C1orf21: variants seen among roughly 807,000 people sequenced by gnomAD.
C1orf21 encodes uncharacterized protein C1orf21.
In C1orf21, 3 loss-of-function variants were observed where a neutral mutation model predicts 18.7. That is an observed-to-expected ratio of 0.16 (90% CI 0.07 to 0.42). The LOEUF (loss-of-function observed/expected upper bound fraction) is 0.42, where lower values mean the gene tolerates loss of function less well. Among genes scored for constraint, C1orf21 ranks in the 10% least tolerant of loss-of-function variants. The pLI is 0.99. For missense variants in C1orf21, 104 were observed against 143.6 expected, an observed-to-expected ratio of 0.72 and a Z score of 1.41; for synonymous variants, 41 against 46.4, an observed-to-expected ratio of 0.88 and a Z score of 0.47.
At chr1:184,433,183 G>T (rs1656794534) in intron 1 of C1orf21, among the ~76,000 whole-genome samples, 1 of 152,180 alleles carries the variant, frequency 6.6e-6, no homozygotes, top group Admixed American at 6.5e-5. Context: ...ATGTGGTGGG[G>T]TGTGTGTGCA....
At chr1:184,541,365 T>C (rs948774601) in intron 3 of C1orf21, among the ~76,000 whole-genome samples, 7 of 152,212 alleles carry the variant, frequency 4.6e-5, no homozygotes, top group Non-Finnish European at 1.0e-4. Flanking sequence ...TTGAGCACCA[T>C]CCTCAATGAT....
intron 2 of C1orf21, among the ~76,000 whole-genome samples, chr1:184,484,611 G>T (rs1261431463): frequency 6.6e-6 from 1 of 152,186 alleles, no homozygotes; most frequent in Non-Finnish European, 1.5e-5. Flanking sequence ...ATCAGGTTGG[G>T]CACTGACTGA....
chr1:184,555,876 G>A (rs959133160), intron 3 of C1orf21, among the ~76,000 whole-genome samples: 6 of 152,132 alleles, frequency 3.9e-5, no homozygotes, highest in African/African-American at 1.2e-4. Flanking sequence ...GCGAGGATCC[G>A]CCCACTGGCC....
intron 3 of C1orf21, among the ~76,000 whole-genome samples, chr1:184,534,293 G>A (rs1658514665): frequency 6.6e-6 from 1 of 152,172 alleles, no homozygotes; most frequent in South Asian, 2.1e-4. Context: ...GCTCAGAGGG[G>A]TGTTTCTTGC....
chr1:184,525,087 A>G (rs1317917955), intron 3 of C1orf21, among the ~76,000 whole-genome samples: 5 of 151,918 alleles, frequency 3.3e-5, no homozygotes, highest in African/African-American at 1.2e-4. Context: ...GATATTTTGC[A>G]TTGTTTAGGC....
At chr1:184,561,095 G>A (rs1466154325) in intron 3 of C1orf21, among the ~76,000 whole-genome samples, 1 of 152,156 alleles carries the variant, frequency 6.6e-6, no homozygotes, top group Non-Finnish European at 1.5e-5. Context: ...TCCAGTTTTA[G>A]CAAGATCATC....
At position 184,393,028 on chromosome 1, in the gene C1orf21, C is replaced by T. The variant is rs376213460; in HGVS notation, c.-125+5660C>T. Among the ~76,000 whole-genome samples the T allele has an allele frequency of 1.3e-4, 20 of 151,922 alleles. No homozygotes were observed. In the East Asian group the frequency reaches 2.9e-3, roughly 22 times the overall value. The stretch of plus-strand genomic sequence containing the variant: ...TTTTTTTCTAGAGATGAGGTCTTGC[C>T]ATGTCGCCCAGGCTGGTCTGGAACT... On this transcript the variant is annotated intron_variant, in intron 1 of 5. Transcript: ENST00000235307.
Position 184,595,502 on chromosome 1 carries a change from G to A in C1orf21, c.267-2899G>A, listed in dbSNP as rs141718690. 7.6e-3 allele frequency among the ~76,000 whole-genome samples: 1,152 copies of A among 152,214 alleles called. 6 individuals are homozygous for A. The highest frequency in any genetic ancestry group is 0.02 in the Middle Eastern group (6 of 294). ...AAGTTTCTTTCACATGGGAAGAGGG[G>A]ACCCATGTTTATCTAGACAGGAATC... On this transcript the variant is annotated intron_variant, in intron 4 of 5. Coordinates refer to ENST00000235307, the MANE Select transcript of C1orf21 (RefSeq NM_030806.4).
chr1:184,395,135 C>T (rs529648557), intron 1 of C1orf21, among the ~76,000 whole-genome samples: 3 of 152,276 alleles, frequency 2.0e-5, no homozygotes, highest in African/African-American at 7.2e-5. Flanking sequence ...CCATGAACTG[C>T]TGTAATACTT....
At chr1:184,416,740 G>A (rs975624307) in intron 1 of C1orf21, among the ~76,000 whole-genome samples, 14 of 152,136 alleles carry the variant, frequency 9.2e-5, no homozygotes, top group African/African-American at 3.4e-4. Flanking sequence ...TATCTTCAAA[G>A]AATGATAATC....
chr1:184,606,441 A>G (rs958758647), intron 5 of C1orf21, among the ~76,000 whole-genome samples: 5 of 152,142 alleles, frequency 3.3e-5, no homozygotes, highest in African/African-American at 9.7e-5. Context: ...TTAGCCAGGT[A>G]TGGTGGCATT....
Position 184,627,555 on chromosome 1 carries a change from C to T in C1orf21, c.*7999C>T, listed in dbSNP as rs1660036750. 1 of 152,256 alleles carries T rather than the reference C, an allele frequency of 6.6e-6. No individual in the cohort carries two copies. The highest frequency in any genetic ancestry group is 2.4e-5 in the African/African-American group (1 of 41,462). The allele number at this position is 152,256 out of a possible 1,614,324, so 9.4% of individuals were successfully genotyped here. On this transcript the variant is annotated 3_prime_UTR_variant, in exon 6 of 6. Transcript: ENST00000235307. ...CCCACCCCTGCCCTCCTGGCATACT[C>T]AACAGCAACGCCAGCTTTCTGGACC...
At chr1:184,489,679 ATATT>A (rs1270413031) in intron 2 of C1orf21, among the ~76,000 whole-genome samples, 1 of 152,228 alleles carries the variant, frequency 6.6e-6, no homozygotes, top group Non-Finnish European at 1.5e-5. Flanking sequence ...AAGGTATTCT[ATATT>A]TATTGATATG....
chr1:184,530,946 G>A (rs1571401022), intron 3 of C1orf21, among the ~76,000 whole-genome samples: 1 of 151,852 alleles, frequency 6.6e-6, no homozygotes, highest in Non-Finnish European at 1.5e-5. Context: ...GGATACCTAC[G>A]GCCATTTAAA....
At chr1:184,402,769 T>C (rs980533559) in intron 1 of C1orf21, among the ~76,000 whole-genome samples, 1 of 152,210 alleles carries the variant, frequency 6.6e-6, no homozygotes, top group Non-Finnish European at 1.5e-5. Context: ...ACTGTTTTAA[T>C]CACAGAGGTT....
intron 3 of C1orf21, among the ~76,000 whole-genome samples, chr1:184,589,008 A>C (rs1037998274): frequency 2.0e-5 from 3 of 152,184 alleles, no homozygotes; most frequent in African/African-American, 7.2e-5. Flanking sequence ...GGTTTTTAAG[A>C]AAGACTTGCT....
intron 3 of C1orf21, among the ~76,000 whole-genome samples, chr1:184,540,496 C>T (rs1436022602): frequency 1.3e-5 from 2 of 151,744 alleles, no homozygotes; most frequent in South Asian, 2.1e-4. Context: ...TGCAGTGGCA[C>T]GATCTCAACT....
intron 1 of C1orf21, among the ~76,000 whole-genome samples, chr1:184,393,476 A>G (rs1481251677): frequency 1.3e-5 from 2 of 152,142 alleles, no homozygotes; most frequent in Non-Finnish European, 2.9e-5. Flanking sequence ...ACATCCACAT[A>G]CTTTATACCT....
chr1:184,520,358 C>G (rs2101968879), intron 3 of C1orf21, among the ~76,000 whole-genome samples: 2 of 152,186 alleles, frequency 1.3e-5, no homozygotes, highest in Middle Eastern at 6.8e-3. Flanking sequence ...TAAAATGAGA[C>G]AGGAATCTGG....
Sources: gnomAD v4.1 joint callset for allele counts (sites outside exome capture counted in the v4.1 genomes callset) on GRCh38, gnomAD v4.1.1 for gene constraint, MANE v1.5 for transcripts, NCBI Gene and HGNC (gene_info 2026-07-23, HGNC 2026-07-21) for gene names.